ADAMTS19: variants seen among roughly 807,000 people sequenced by gnomAD.
ADAMTS19 encodes the protein A disintegrin and metalloproteinase with thrombospondin motifs 19.
In ADAMTS19, 93 loss-of-function variants were observed where a neutral mutation model predicts 153.3. The ratio of observed to expected loss-of-function variants is 0.61; its 90% CI spans 0.51 to 0.72. The LOEUF (loss-of-function observed/expected upper bound fraction) is 0.72, where lower values mean the gene tolerates loss of function less well. ADAMTS19 is among the 30% of genes least tolerant of loss of function. The pLI, the probability that ADAMTS19 is intolerant of heterozygous loss-of-function variation, is 0.00. For missense variants in ADAMTS19, 1,482 were observed against 1,552.1 expected (o/e 0.95, Z 0.76); for synonymous variants, 600 against 556.6 (o/e 1.08, Z -1.10).
intron 11 of ADAMTS19, among the ~76,000 whole-genome samples, chr5:129,645,371 ATAGTT>A (rs1753015340): frequency 2.0e-5 from 3 of 152,210 alleles, no homozygotes; most frequent in East Asian, 1.9e-4. Flanking sequence ...ATATTGTATA[ATAGTT>A]TAAACAAAAC....
intron 2 of ADAMTS19, among the ~76,000 whole-genome samples, chr5:129,465,506 T>A: frequency 6.6e-6 from 1 of 152,188 alleles, no homozygotes; most frequent in Non-Finnish European, 1.5e-5. Flanking sequence ...TATACAGTAG[T>A]CTTTTTGATT....
intron 10 of ADAMTS19, 100 bp from the exon 11 acceptor site, chr5:129,641,759 T>C: frequency 1.7e-6 from 1 of 594,662 alleles, no homozygotes; most frequent in Non-Finnish European, 2.8e-6. Context: ...CTTCAAATAA[T>C]TTTTGTTATT....
At chr5:129,537,071 A>G (rs1422988061) in intron 6 of ADAMTS19, among the ~76,000 whole-genome samples, 1 of 151,900 alleles carries the variant, frequency 6.6e-6, no homozygotes, top group African/African-American at 2.4e-5. Context: ...ATAATTTAAA[A>G]AAAAGAAAAA....
chr5:129,683,638 T>G (rs1257978428), intron 17 of ADAMTS19, among the ~76,000 whole-genome samples: 5 of 151,958 alleles, frequency 3.3e-5, no homozygotes, highest in Non-Finnish European at 1.5e-5. Context: ...CATCTATCTA[T>G]CTTCCTCTTT....
intron 6 of ADAMTS19, among the ~76,000 whole-genome samples, chr5:129,533,069 A>G (rs1752269508): frequency 6.6e-6 from 1 of 152,086 alleles, no homozygotes; most frequent in Non-Finnish European, 1.5e-5. Context: ...CACCACTGCA[A>G]TCCAGCCTGG....
intron 2 of ADAMTS19, among the ~76,000 whole-genome samples, chr5:129,471,708 C>T (rs915539847): frequency 2.0e-5 from 3 of 152,012 alleles, no homozygotes; most frequent in Non-Finnish European, 2.9e-5. Flanking sequence ...CTCCTCCCAC[C>T]CTCCACCCTC....
At chr5:129,652,446 G>T (rs1442068834) in intron 13 of ADAMTS19, among the ~76,000 whole-genome samples, 1 of 152,112 alleles carries the variant, frequency 6.6e-6, no homozygotes, top group Non-Finnish European at 1.5e-5. Context: ...CAACATTCAG[G>T]TATTTCACAT....
intron 7 of ADAMTS19, among the ~76,000 whole-genome samples, chr5:129,562,112 C>G (rs1753545787): frequency 6.6e-6 from 1 of 152,110 alleles, no homozygotes; most frequent in African/African-American, 2.4e-5. Flanking sequence ...CTGTTTGTCA[C>G]TTATTATTTC....
chr5:129,567,448 C>G (rs1286415818), intron 7 of ADAMTS19, among the ~76,000 whole-genome samples: 1 of 151,926 alleles, frequency 6.6e-6, no homozygotes, highest in Non-Finnish European at 1.5e-5. Context: ...GATGATCTAA[C>G]AAGTAAGGGC....
At chr5:129,608,112 G>GTATATATATATATA (rs1219945367) in intron 8 of ADAMTS19, among the ~76,000 whole-genome samples, 60 of 31,812 alleles carry the variant, frequency 1.9e-3, no homozygotes, top group African/African-American at 3.7e-3. Context: ...GTGTGTGTGT[G>GTATATATATATATA]TGTGTATATA....
intron 7 of ADAMTS19, among the ~76,000 whole-genome samples, chr5:129,585,838 G>A (rs1376056662): frequency 6.6e-6 from 1 of 152,122 alleles, no homozygotes; most frequent in Non-Finnish European, 1.5e-5. Flanking sequence ...TTGTGATGTT[G>A]CAGACACCTG....
intron 10 of ADAMTS19, among the ~76,000 whole-genome samples, chr5:129,633,081 C>T (rs1320127452): frequency 6.6e-6 from 1 of 151,968 alleles, no homozygotes; most frequent in Non-Finnish European, 1.5e-5. Flanking sequence ...AATATTTTCC[C>T]TTTCTCCTTC....
rs538241194 is a variant in ADAMTS19 at position 129,533,409 on chromosome 5, A to C, written c.1328+4732A>C. Among the ~76,000 whole-genome samples, 3 of 152,274 alleles carry C rather than the reference A, an allele frequency of 2.0e-5. No individual in the cohort carries two copies. In the South Asian group the frequency reaches 6.2e-4, roughly 32 times the overall value. Reference sequence around the variant, plus strand: ...AGTTGGTTAAGAGTAGTAAATTGGTAGTTTGTATTTCTGTGGGATCGGTGG... The same window carrying C: ...AGTTGGTTAAGAGTAGTAAATTGGTCGTTTGTATTTCTGTGGGATCGGTGG... On this transcript the variant is annotated intron_variant, in intron 6 of 22. Transcript: ENST00000274487.
At chr5:129,519,170 C>G (rs770794189) in intron 3 of ADAMTS19, among the ~76,000 whole-genome samples, 1 of 152,044 alleles carries the variant, frequency 6.6e-6, no homozygotes, top group African/African-American at 2.4e-5. Flanking sequence ...GGTTATTCAG[C>G]GCTTTTCAGT....
At chr5:129,627,071 C>G (rs1302361285) in intron 10 of ADAMTS19, among the ~76,000 whole-genome samples, 11 of 151,856 alleles carry the variant, frequency 7.2e-5, no homozygotes, top group Admixed American at 7.2e-4. Flanking sequence ...TCGTGAGATG[C>G]CCATTACACA....
intron 2 of ADAMTS19, among the ~76,000 whole-genome samples, chr5:129,499,420 G>C (rs1044353642): frequency 6.6e-6 from 1 of 152,034 alleles, no homozygotes; most frequent in Non-Finnish European, 1.5e-5. Flanking sequence ...TCACCACAGA[G>C]GCCAAAGAGT....
intron 21 of ADAMTS19, among the ~76,000 whole-genome samples, chr5:129,717,702 A>G (rs1756795195): frequency 6.6e-6 from 1 of 152,220 alleles, no homozygotes; most frequent in Admixed American, 6.5e-5. Flanking sequence ...GAAGTGGTGG[A>G]TAGAAGCAAA....
In ADAMTS19 at chr5:129,461,062, G is replaced by A. The variant is rs1749633203; in HGVS notation, c.92-40G>A. The A allele has an allele frequency of 1.5e-6, 2 of 1,331,150 alleles. No homozygotes were observed. The highest frequency in any genetic ancestry group is 1.5e-5 in the African/African-American group (1 of 65,126). The allele number at this position is 1,331,150 out of a possible 1,614,324, so 82.5% of individuals were successfully genotyped here. A position where few individuals can be genotyped will look rare whatever the true frequency, so the allele number is the denominator to read the frequency against. On this transcript the variant is annotated intron_variant, in intron 1 of 22. Transcript: ENST00000274487. The surrounding 1 kb of genome is among the most constrained non-coding windows in gnomAD (Gnocchi z 4.6). ...GAAATGTTTGTGCTACTGGAACCGCGGCACTTTAAGCCCCGCACTTCTGTC... is the reference window on the plus strand; with the variant it reads ...GAAATGTTTGTGCTACTGGAACCGCAGCACTTTAAGCCCCGCACTTCTGTC...
At chr5:129,559,115 A>G (rs558737824) in intron 7 of ADAMTS19, among the ~76,000 whole-genome samples, 2 of 152,186 alleles carry the variant, frequency 1.3e-5, no homozygotes, top group Admixed American at 6.5e-5. Flanking sequence ...AAGACATACC[A>G]TTACTTTATG....
Sources: allele counts gnomAD v4.1 joint callset (sites outside exome capture counted in the v4.1 genomes callset), GRCh38; gene constraint gnomAD v4.1.1; non-coding constraint Gnocchi (gnomAD v3.1); transcripts MANE v1.5; gene names NCBI Gene and HGNC (gene_info 2026-07-23, HGNC 2026-07-21).